Variants in RPTOR observed in about 807,000 individuals in gnomAD.
The protein encoded by RPTOR is regulatory-associated protein of mTOR.
A neutral mutation model predicts 169.9 loss-of-function variants in RPTOR; 21 were observed. The observed-to-expected ratio is 0.12, with a 90% CI of 0.09 to 0.18. RPTOR has a LOEUF of 0.18. RPTOR is among the 10% of genes least tolerant of loss of function. The pLI is 1.00. For missense variants in RPTOR, 1,133 were observed against 1,855.9 expected (o/e 0.61, Z 7.16); for synonymous variants, 732 against 753.2 (o/e 0.97, Z 0.46).
At chr17:80,624,294 A>G (rs2065376869) in intron 1 of RPTOR, among the ~76,000 whole-genome samples, 1 of 152,244 alleles carries the variant, frequency 6.6e-6, no homozygotes, top group Admixed American at 6.5e-5. Context: ...TGTTCTGTAT[A>G]GAAAAATAGA....
intron 1 of RPTOR, among the ~76,000 whole-genome samples, chr17:80,585,959 G>C (rs574360783): frequency 2.6e-5 from 4 of 151,450 alleles, no homozygotes; most frequent in Non-Finnish European, 5.9e-5. Context: ...TCAATACAAC[G>C]CATTAAATAT....
chr17:80,638,280 G>T (rs117028426), intron 2 of RPTOR, among the ~76,000 whole-genome samples: 260 of 152,308 alleles, frequency 1.7e-3, no homozygotes, highest in Non-Finnish European at 2.9e-3. Flanking sequence ...TTTGGGCCTG[G>T]GGGGTCAGTA....
chr17:80,648,547 C>G (rs543774746), intron 3 of RPTOR, among the ~76,000 whole-genome samples: 1 of 151,996 alleles, frequency 6.6e-6, no homozygotes, highest in African/African-American at 2.4e-5. Flanking sequence ...TGGTGGGAGG[C>G]GCCTAGTCAG....
intron 21 of RPTOR, among the ~76,000 whole-genome samples, chr17:80,914,325 C>T (rs2068646968): frequency 6.6e-6 from 1 of 152,212 alleles, no homozygotes; most frequent in Non-Finnish European, 1.5e-5. Flanking sequence ...ATCCAGGCAT[C>T]TCTGTGCTCT....
chr17:80,714,375 C>A (rs915258190), intron 4 of RPTOR, among the ~76,000 whole-genome samples: 1 of 152,142 alleles, frequency 6.6e-6, no homozygotes, highest in Non-Finnish European at 1.5e-5. Context: ...ATTTATACAG[C>A]CGTCCACACA....
chr17:80,801,252 T>C (rs72853711), intron 7 of RPTOR, among the ~76,000 whole-genome samples: 16,602 of 152,218 alleles, frequency 0.11, 958 homozygotes, highest in South Asian at 0.21. Flanking sequence ...CCAGGCATCG[T>C]GCTGAGGCCT....
chr17:80,563,829 G>C (rs971713908), intron 1 of RPTOR, among the ~76,000 whole-genome samples: 2 of 152,110 alleles, frequency 1.3e-5, no homozygotes, highest in African/African-American at 4.8e-5. Context: ...TGTGCCCCCA[G>C]TCGTGCCCAC....
chr17:80,773,371 T>A (rs2066863255), intron 6 of RPTOR, among the ~76,000 whole-genome samples: 1 of 152,256 alleles, frequency 6.6e-6, no homozygotes, highest in South Asian at 2.1e-4. Context: ...CAGTGGGTTT[T>A]AATATCCACG....
intron 7 of RPTOR, among the ~76,000 whole-genome samples, chr17:80,818,225 C>T (rs756529026): frequency 1.3e-5 from 2 of 152,200 alleles, no homozygotes; most frequent in East Asian, 3.9e-4. Flanking sequence ...CTGGGACCAG[C>T]GCTTGAGTTT....
chr17:80,883,749 A>C (rs1195541175), intron 15 of RPTOR, 32 bp from the exon 16 acceptor site: 2 of 1,610,682 alleles, frequency 1.2e-6, no homozygotes, highest in East Asian at 2.2e-5. Context: ...TGGCAGGCAG[A>C]GGCCAACCTG....
chr17:80,577,963 G>A lies in RPTOR; in HGVS notation c.162+32172G>A, dbSNP rs536476253. 9.2e-5 allele frequency among the ~76,000 whole-genome samples: 14 copies of A among 152,326 alleles called. No homozygotes were observed. The South Asian group carries it at 1.7e-3, about 18-fold the overall frequency. On this transcript the variant is annotated intron_variant, in intron 1 of 33. Coordinates refer to ENST00000306801, the MANE Select transcript of RPTOR (RefSeq NM_020761.3). ...AATATGGCCTGACGCTGTGATGTGC[G>A]GCGCAGTCAAATGCGTCAGACCCTG...
At chr17:80,864,358 T>C (rs563917478) in intron 13 of RPTOR, among the ~76,000 whole-genome samples, 3 of 143,172 alleles carry the variant, frequency 2.1e-5, no homozygotes, top group African/African-American at 8.5e-5. Flanking sequence ...TTCCTACAGA[T>C]GGAAAAGGTG....
chr17:80,942,417 A>G (rs1037954435), intron 25 of RPTOR, among the ~76,000 whole-genome samples: 10 of 150,674 alleles, frequency 6.6e-5, no homozygotes, highest in African/African-American at 2.2e-4. Flanking sequence ...TAGACCAAAA[A>G]AAAGAATATA....
intron 24 of RPTOR, among the ~76,000 whole-genome samples, chr17:80,940,257 G>A (rs1021588916): frequency 3.3e-5 from 5 of 152,144 alleles, no homozygotes; most frequent in Non-Finnish European, 7.4e-5. Flanking sequence ...TAAAAATACG[G>A]CATAGCAGCT....
intron 6 of RPTOR, among the ~76,000 whole-genome samples, chr17:80,775,051 G>GTGTA (rs1368282510): frequency 6.6e-6 from 1 of 152,158 alleles, no homozygotes; most frequent in Admixed American, 6.5e-5. Context: ...CATCTTCATG[G>GTGTA]TGTAAGTCTG....
intron 7 of RPTOR, among the ~76,000 whole-genome samples, chr17:80,807,575 C>T (rs933796870): frequency 6.6e-6 from 1 of 152,206 alleles, no homozygotes; most frequent in Non-Finnish European, 1.5e-5. Flanking sequence ...TGGTCTTGAA[C>T]TCCTGACCTC....
chr17:80,819,982 C>T (rs924493342), intron 7 of RPTOR, among the ~76,000 whole-genome samples: 24 of 152,142 alleles, frequency 1.6e-4, no homozygotes, highest in Non-Finnish European at 3.1e-4. Flanking sequence ...CTGCCCTGGG[C>T]GCCTCTCTTC....
rs894222325 is a variant in RPTOR, at chr17:80,695,575, G to A, written c.349-12266G>A. On this transcript the variant is annotated intron_variant, in intron 3 of 33. Transcript: ENST00000306801. This position sits in a 1 kb window ranked among gnomAD's most constrained non-coding sequence, Gnocchi z 4.9. Reference sequence around the variant, plus strand: ...GATGCCTGCCAGCCACCCAGAGCCAGCGTCTTCCCAAGCAGCTGTTTTACA... The same window carrying A: ...GATGCCTGCCAGCCACCCAGAGCCAACGTCTTCCCAAGCAGCTGTTTTACA... Among the ~76,000 whole-genome samples the A allele has an allele frequency of 6.6e-6, 1 of 152,178 alleles. No homozygotes were observed. The highest frequency in any genetic ancestry group is 2.4e-5 in the African/African-American group (1 of 41,436).
chr17:80,623,572 A>G (rs903540724), intron 1 of RPTOR, among the ~76,000 whole-genome samples: 6 of 151,826 alleles, frequency 4.0e-5, no homozygotes, highest in Admixed American at 3.9e-4. Context: ...GTCTTGCTCT[A>G]TTGCCCAGGT....
Sources: gnomAD v4.1 joint callset for allele counts (sites outside exome capture counted in the v4.1 genomes callset) on GRCh38, gnomAD v4.1.1 for gene constraint, Gnocchi (gnomAD v3.1) non-coding constraint, MANE v1.5 for transcripts, NCBI Gene and HGNC (gene_info 2026-07-23, HGNC 2026-07-21) for gene names.